The following ABCA13 variants were observed in gnomAD, a reference collection of about 807,000 sequenced individuals.
The protein encoded by ABCA13 is ATP binding cassette subfamily A member 13.
Under a neutral mutation model 478.7 loss-of-function variants are expected in ABCA13, and 476 were observed. That is an observed-to-expected ratio of 0.99 (90% CI 0.92 to 1.07). The LOEUF is 1.07. Ranked by LOEUF, ABCA13 falls within the 50% of genes least tolerant of loss-of-function variation. The pLI is 0.00. For missense variants in ABCA13, 6,060 were observed against 5,910.6 expected, an observed-to-expected ratio of 1.03 and a Z score of -0.83; for synonymous variants, 2,252 against 2,158.9, an observed-to-expected ratio of 1.04 and a Z score of -1.20.
chr7:48,483,306 AAAC>A (rs1179054739), intron 47 of ABCA13, 143 bp downstream of exon 47: 4 of 703,462 alleles, frequency 5.7e-6, no homozygotes, highest in Admixed American at 3.1e-5. Flanking sequence ...AATTATATGT[AAAC>A]ATTGTCTTGA....
chr7:48,340,399 C>T (rs373751418), intron 29 of ABCA13, among the ~76,000 whole-genome samples: 3 of 152,154 alleles, frequency 2.0e-5, no homozygotes, highest in African/African-American at 7.2e-5. Context: ...AGCCACTGCG[C>T]CTGGCCTCAT....
At chr7:48,562,278 A>G (rs1243943995) in intron 55 of ABCA13, among the ~76,000 whole-genome samples, 3 of 150,794 alleles carry the variant, frequency 2.0e-5, no homozygotes, top group Non-Finnish European at 4.4e-5. Flanking sequence ...TGTTATTATT[A>G]TACTGCTTTT....
chr7:48,415,200 T>A (rs552927205), intron 41 of ABCA13, among the ~76,000 whole-genome samples: 3 of 152,328 alleles, frequency 2.0e-5, no homozygotes, highest in Admixed American at 2.0e-4. Context: ...AGCTAATCAT[T>A]TGGACAGTTG....
At chr7:48,214,927 T>C (rs1045875331) in intron 3 of ABCA13, among the ~76,000 whole-genome samples, 1 of 152,204 alleles carries the variant, frequency 6.6e-6, no homozygotes, top group Non-Finnish European at 1.5e-5. Context: ...CATTAACTGT[T>C]AGTGAATTGC....
intron 42 of ABCA13, 25 bp from the exon 43 acceptor site, chr7:48,455,012 G>A: frequency 2.7e-6 from 4 of 1,472,560 alleles, no homozygotes; most frequent in Non-Finnish European, 2.7e-6. Context: ...TGACCCAGCC[G>A]CCCTTCCTCC....
Position 48,281,415 on chromosome 7 carries a change from G to T in ABCA13, c.8799G>T (p.Val2933=). The part of the protein sequence containing the change: ...PSEAMEMLQK[V]KMMVVRVLTI... Reference sequence around the variant, plus strand: ...AAGCCATGGAGATGCTGCAGAAAGTGAAGATGATGGTCGTACGTGTGCTCA... The same window carrying T: ...AAGCCATGGAGATGCTGCAGAAAGTTAAGATGATGGTCGTACGTGTGCTCA... The change falls in exon 19 of 62, where the codon GTG becomes GTT. Residue 2933 remains valine, a synonymous_variant. Transcript: ENST00000435803. 6.2e-7 allele frequency: 1 copy of T among 1,607,398 alleles called. No homozygotes were observed. Among genetic ancestry groups the T allele is most frequent in the Non-Finnish European group, 8.5e-7 (1 of 1,176,896 alleles).
At chr7:48,638,697 T>A (rs73331948) in intron 59 of ABCA13, among the ~76,000 whole-genome samples, 1,764 of 152,272 alleles carry the variant, frequency 0.012, 47 homozygotes, top group African/African-American at 0.041. Context: ...GTAAGCCCCA[T>A]GGTCTCAGCT....
intron 55 of ABCA13, among the ~76,000 whole-genome samples, chr7:48,550,073 C>T (rs573518219): frequency 7.7e-4 from 117 of 151,760 alleles, no homozygotes; most frequent in African/African-American, 2.7e-3. Context: ...TTAATTAAAC[C>T]GCATTTGTCA....
At chr7:48,401,232 G>T (rs749451053) in intron 38 of ABCA13, among the ~76,000 whole-genome samples, 47 of 152,308 alleles carry the variant, frequency 3.1e-4, no homozygotes, top group Non-Finnish European at 5.9e-4. Flanking sequence ...CCCAGTGTAT[G>T]ATACATGTCT....
Position 48,288,025 on chromosome 7 carries a change from CA to C in ABCA13, c.8903del (p.His2968LeufsTer30), listed in dbSNP as rs748951352. 2 of 1,613,980 alleles carry C rather than the reference CA, an allele frequency of 1.2e-6. No individual in the cohort carries two copies. Among genetic ancestry groups the C allele is most frequent in the Non-Finnish European group, 1.7e-6 (2 of 1,179,890 alleles). On this transcript the variant is annotated frameshift_variant, in exon 20 of 62. Coordinates refer to ENST00000435803, the MANE Select transcript of ABCA13 (RefSeq NM_152701.5). LOFTEE classifies it high-confidence loss of function. Reference protein sequence around the residue: ...TLSCKQNGIRHLILSAIQGVT... With the variant: ...TLSCKQNGIRXLILSAIQGVT... ...GAGTTGCAAGCAAAATGGGATAAGG[CA>C]TCTCATTTTATCTGCTATACAAGGG...
chr7:48,290,653 T>C (rs1441952303), intron 20 of ABCA13, among the ~76,000 whole-genome samples: 1 of 152,176 alleles, frequency 6.6e-6, no homozygotes, highest in Admixed American at 6.5e-5. Flanking sequence ...TATAAATGCA[T>C]TGAATGAAAA....
rs753875835 is a variant in ABCA13, at chr7:48,276,393, A to C, written c.6727A>C (p.Asn2243His). 2.6e-6 allele frequency: 4 copies of C among 1,555,372 alleles called. No homozygotes were observed. In the African/African-American group the frequency reaches 5.5e-5, roughly 21 times the overall value. Residue 2243 changes from asparagine (N) to histidine (H), a missense_variant, in exon 17 of 62, where the codon AAC becomes CAC. Transcript: ENST00000435803. ...QIMNFINLILNHMQSETSRKT... is the reference protein window; with the variant it reads ...QIMNFINLILHHMQSETSRKT... ...AATGAATTTCATTAACCTTATCTTG[A>C]ACCATATGCAGTCAGAAACTAGTAG...
intron 42 of ABCA13, 92 bp from the exon 43 acceptor site, chr7:48,454,945 A>T: frequency 7.1e-7 from 1 of 1,405,742 alleles, no homozygotes; most frequent in Non-Finnish European, 9.3e-7. Flanking sequence ...TGGCTGCGAG[A>T]TGCCGCAGGG....
chr7:48,509,306 C>T (rs140284411), intron 50 of ABCA13, among the ~76,000 whole-genome samples: 1 of 152,224 alleles, frequency 6.6e-6, no homozygotes, highest in East Asian at 1.9e-4. Flanking sequence ...GTCTCCTGGT[C>T]CAGTTTTGTT....
At chr7:48,562,843 A>G (rs1217944071) in intron 55 of ABCA13, among the ~76,000 whole-genome samples, 1 of 152,174 alleles carries the variant, frequency 6.6e-6, no homozygotes. Flanking sequence ...AAAATTATGT[A>G]GCATAAATAA....
In ABCA13 at chr7:48,455,116, G is replaced by T. The variant is rs1825509449; in HGVS notation, c.12645G>T (p.Arg4215Ser). The change falls in exon 43 of 62, where the codon AGG becomes AGT. Residue 4215 changes from arginine (R) to serine (S), a missense_variant. Coordinates refer to ENST00000435803, the MANE Select transcript of ABCA13 (RefSeq NM_152701.5). ...RAQVAAILAR[R>S]LRRTLRAGKS... ...AAGTGGCCGCGATCCTGGCCCGGAGGCTCCGCCGCACGCTGCGCGCCGGGA... is the reference window on the plus strand; with the variant it reads ...AAGTGGCCGCGATCCTGGCCCGGAGTCTCCGCCGCACGCTGCGCGCCGGGA... 3 of 1,559,986 alleles carry T rather than the reference G, an allele frequency of 1.9e-6. No homozygotes were observed. Among genetic ancestry groups the T allele is most frequent in the Non-Finnish European group, 2.6e-6 (3 of 1,152,802 alleles).
At chr7:48,580,596 T>G (rs1257479100) in intron 56 of ABCA13, among the ~76,000 whole-genome samples, 1 of 152,236 alleles carries the variant, frequency 6.6e-6, no homozygotes, top group African/African-American at 2.4e-5. Flanking sequence ...TGTGAGGCAG[T>G]CATGTGGTCG....
intron 15 of ABCA13, among the ~76,000 whole-genome samples, chr7:48,252,984 A>G (rs1382601844): frequency 2.0e-5 from 3 of 152,184 alleles, no homozygotes; most frequent in African/African-American, 7.2e-5. Context: ...AAAATGTTTT[A>G]AAGGCTCAGG....
intron 41 of ABCA13, among the ~76,000 whole-genome samples, chr7:48,421,897 C>T (rs1233261155): frequency 6.6e-6 from 1 of 151,766 alleles, no homozygotes; most frequent in Non-Finnish European, 1.5e-5. Flanking sequence ...CTTACTCATT[C>T]TTATGCTACC....
Sources: allele counts gnomAD v4.1 joint callset (sites outside exome capture counted in the v4.1 genomes callset), GRCh38; gene constraint gnomAD v4.1.1; transcripts MANE v1.5; gene names NCBI Gene and HGNC (gene_info 2026-07-23, HGNC 2026-07-21).